The following PDZD2 variants were observed in gnomAD, a reference collection of about 807,000 sequenced individuals.
PDZD2 encodes PDZ domain containing 2.
Under a neutral mutation model 220.7 loss-of-function variants are expected in PDZD2, and 90 were observed. The ratio of observed to expected loss-of-function variants is 0.41; its 90% confidence interval spans 0.34 to 0.49. PDZD2 has a LOEUF of 0.49. Among genes scored for constraint, PDZD2 ranks in the 20% least tolerant of loss-of-function variants. The pLI is 0.28. For synonymous variants in PDZD2, 1,375 were observed against 1,450.5 expected (o/e 0.95, Z 1.18); for missense variants, 3,174 against 3,608.5 (o/e 0.88, Z 3.08).
intron 1 of PDZD2, among the ~76,000 whole-genome samples, chr5:31,745,170 T>G (rs935129515): frequency 2.6e-5 from 4 of 152,186 alleles, no homozygotes; most frequent in Non-Finnish European, 5.9e-5. Flanking sequence ...TGCCTTCTTT[T>G]TAATGTTTAG....
At chr5:31,812,315 T>C (rs1755171423) in intron 2 of PDZD2, among the ~76,000 whole-genome samples, 1 of 152,180 alleles carries the variant, frequency 6.6e-6, no homozygotes, top group East Asian at 1.9e-4. Context: ...AAAATTGAGT[T>C]TGACCAATAA....
At chr5:32,065,972 C>T (rs550138549) in intron 14 of PDZD2, among the ~76,000 whole-genome samples, 1 of 149,898 alleles carries the variant, frequency 6.7e-6, no homozygotes, top group Non-Finnish European at 1.5e-5. Flanking sequence ...TGCAGTGAGC[C>T]GAGATCGCAC....
intron 6 of PDZD2, among the ~76,000 whole-genome samples, chr5:32,032,176 G>A (rs891079462): frequency 3.3e-5 from 5 of 152,168 alleles, no homozygotes; most frequent in African/African-American, 4.8e-5. Flanking sequence ...CTGGGAAGTC[G>A]CAGCTTAGTT....
Position 31,728,002 on chromosome 5 carries a change from C to CAAA in PDZD2, c.-360-70870_-360-70868dup, listed in dbSNP as rs11386922. ...TGGGCCACAGAGCCAGACTCTGTCT[C>CAAA]AAAAAAAAAAAAAAAAAAAGATCAG... is the stretch of plus-strand genomic sequence containing the variant. On this transcript the variant is annotated intron_variant, in intron 1 of 24. Coordinates refer to ENST00000438447, the MANE Select transcript of PDZD2 (RefSeq NM_178140.4). Among the ~76,000 whole-genome samples, 35 of 110,640 alleles carry CAAA rather than the reference C, an allele frequency of 3.2e-4. 1 individual carries two copies. The highest frequency in any genetic ancestry group is 1.7e-3 in the South Asian group (5 of 2,984). 72.6% of individuals were successfully genotyped at this position (110,640 alleles called of 152,430 possible).
intron 2 of PDZD2, among the ~76,000 whole-genome samples, chr5:31,879,295 G>T (rs1441447918): frequency 1.3e-5 from 2 of 151,772 alleles, no homozygotes; most frequent in Non-Finnish European, 1.5e-5. Flanking sequence ...ACTGAGCCTG[G>T]AGAATGGCGT....
chr5:31,892,560 C>G (rs894856373), intron 2 of PDZD2, among the ~76,000 whole-genome samples: 58 of 152,178 alleles, frequency 3.8e-4, no homozygotes, highest in African/African-American at 1.1e-3. Flanking sequence ...TGTAGTGGGC[C>G]TAGTTTCTTT....
At chr5:31,656,984 A>G (rs1296151571) in intron 1 of PDZD2, among the ~76,000 whole-genome samples, 2 of 152,184 alleles carry the variant, frequency 1.3e-5, no homozygotes, top group Non-Finnish European at 2.9e-5. Flanking sequence ...GGGTTTAGAA[A>G]TGAAGTTCTT....
chr5:31,778,634 G>A (rs1752863368), intron 1 of PDZD2, among the ~76,000 whole-genome samples: 2 of 152,260 alleles, frequency 1.3e-5, no homozygotes, highest in Non-Finnish European at 2.9e-5. Flanking sequence ...ACGTCCGAAC[G>A]TCAGAAGGAA....
intron 1 of PDZD2, among the ~76,000 whole-genome samples, chr5:31,783,421 G>A (rs75208376): frequency 0.017 from 2,591 of 152,268 alleles, 69 homozygotes; most frequent in African/African-American, 0.059. Context: ...ATCGGGGAAG[G>A]AGGCCAAGTT....
intron 6 of PDZD2, among the ~76,000 whole-genome samples, chr5:32,034,675 A>G (rs555409157): frequency 2.6e-4 from 40 of 151,884 alleles, no homozygotes; most frequent in African/African-American, 9.7e-4. Flanking sequence ...AATTTAACTC[A>G]CTCTCTGGTA....
At chr5:31,869,568 G>GAA (rs527785955) in intron 2 of PDZD2, among the ~76,000 whole-genome samples, 1 of 146,482 alleles carries the variant, frequency 6.8e-6, no homozygotes, top group African/African-American at 2.5e-5. Flanking sequence ...TGTCTCAAAA[G>GAA]AAAAAAAAAA....
At chr5:32,076,537 G>A (rs1358316633) in intron 18 of PDZD2, among the ~76,000 whole-genome samples, 1 of 152,046 alleles carries the variant, frequency 6.6e-6, no homozygotes, top group Non-Finnish European at 1.5e-5. Context: ...TTGCTATAAA[G>A]TATATGTCCT....
rs191291733 is a variant in PDZD2 at position 32,091,315 on chromosome 5, C to T, written c.7727+140C>T. 2.7e-4 allele frequency: 166 copies of T among 611,012 alleles called. 2 individuals carry two copies. The East Asian group carries it at 3.5e-3, about 13-fold the overall frequency. 37.8% of individuals were successfully genotyped at this position (611,012 alleles called of 1,614,324 possible). The stretch of plus-strand genomic sequence containing the variant: ...TTTTTTTTTTTTTGAGATGGAGCAT[C>T]GCTCTGTCGCCCAGGCTGGAGTGCA... On this transcript the variant is annotated intron_variant, in intron 20 of 24. Transcript: ENST00000438447.
intron 2 of PDZD2, among the ~76,000 whole-genome samples, chr5:31,824,516 G>A (rs1756093710): frequency 6.6e-6 from 1 of 152,102 alleles, no homozygotes; most frequent in African/African-American, 2.4e-5. Context: ...TGCCATAGGG[G>A]CTACACTGGG....
intron 2 of PDZD2, among the ~76,000 whole-genome samples, chr5:31,801,442 G>T: frequency 6.6e-6 from 1 of 152,194 alleles, no homozygotes; most frequent in East Asian, 1.9e-4. Flanking sequence ...GCTGGGTCCA[G>T]GGTTAGAAGT....
chr5:31,678,980 A>G (rs1438641108), intron 1 of PDZD2, among the ~76,000 whole-genome samples: 1 of 152,096 alleles, frequency 6.6e-6, no homozygotes, highest in Non-Finnish European at 1.5e-5. Context: ...TCATTAGGTA[A>G]TTCTCCCCAC....
Position 31,799,346 on chromosome 5 carries a change from G to A in PDZD2, c.98G>A (p.Arg33Gln), listed in dbSNP as rs780995578. The stretch of plus-strand genomic sequence containing the variant: ...GAAGGTGGGGATGGGCCGGAGCAGC[G>A]GCTCTGCCAGGCGGCCATCCAGAAG... The part of the protein sequence containing the change: ...LQEGGDGPEQ[R>Q]LCQAAIQKLQ... Residue 33 changes from arginine (R) to glutamine (Q), a missense_variant, in exon 2 of 25, where the codon CGG (arginine) becomes CAG (glutamine). Physicochemically the swap from Arg to Gln is conservative, Grantham distance 43 (BLOSUM62 1). Around this residue, in one of 4 missense-constraint regions of PDZD2, gnomAD observed 632 missense variants for 708.1 expected, o/e 0.89. Coordinates refer to ENST00000438447, the MANE Select transcript of PDZD2 (RefSeq NM_178140.4). The A allele has an allele frequency of 5.6e-6, 9 of 1,614,202 alleles. No homozygotes were observed. Among genetic ancestry groups the A allele is most frequent in the Middle Eastern group, 1.6e-4 (1 of 6,062 alleles).
chr5:31,761,934 GGA>G (rs1004845991), intron 1 of PDZD2, among the ~76,000 whole-genome samples: 1 of 152,088 alleles, frequency 6.6e-6, no homozygotes, highest in Non-Finnish European at 1.5e-5. Context: ...CTGGCGTCTG[GGA>G]GGGACCACAG....
At position 31,760,166 on chromosome 5, in the gene PDZD2, CTTA is replaced by C. The variant is rs374698656; in HGVS notation, c.-360-38721_-360-38719del. Among the ~76,000 whole-genome samples, 618 of 152,178 alleles carry C rather than the reference CTTA, an allele frequency of 4.1e-3. 8 individuals carry two copies. Among genetic ancestry groups the C allele is most frequent in the African/African-American group, 0.014 (589 of 41,534 alleles). The stretch of plus-strand genomic sequence containing the variant: ...TAAAGTGGCCATTGCGTTGATGGCT[CTTA>C]TGTTGAACTCAGGCACAATTGCATT... On this transcript the variant is annotated intron_variant, in intron 1 of 24. Transcript: ENST00000438447.
Sources: allele counts gnomAD v4.1 joint callset (sites outside exome capture counted in the v4.1 genomes callset), GRCh38; gene constraint gnomAD v4.1.1; regional missense constraint gnomAD v4.1.1; transcripts MANE v1.5; gene names NCBI Gene and HGNC (gene_info 2026-07-23, HGNC 2026-07-21).